Variants in PDE8B observed in about 807,000 individuals in gnomAD.
The protein encoded by PDE8B is high affinity cAMP-specific and IBMX-insensitive 3',5'-cyclic phosphodiesterase 8B.
In PDE8B, 26 loss-of-function variants were observed where a neutral mutation model predicts 101.3. The observed-to-expected ratio is 0.26, with a 90% CI of 0.19 to 0.36. The LOEUF (loss-of-function observed/expected upper bound fraction) is 0.36, where lower values mean the gene tolerates loss of function less well. Among genes scored for constraint, PDE8B ranks in the 10% least tolerant of loss-of-function variants. The pLI, the probability that PDE8B is intolerant of heterozygous loss-of-function variation, is 1.00. For synonymous variants in PDE8B, 424 were observed against 429.3 expected, an observed-to-expected ratio of 0.99 and a Z score of 0.15; for missense variants, 810 against 1,163.1, an observed-to-expected ratio of 0.70 and a Z score of 4.42.
chr5:77,315,563 A>T (rs1773623633), intron 2 of PDE8B, among the ~76,000 whole-genome samples: 1 of 152,220 alleles, frequency 6.6e-6, no homozygotes, highest in Non-Finnish European at 1.5e-5. Context: ...TGTTGGACAG[A>T]GGGTCCTATT....
intron 4 of PDE8B, among the ~76,000 whole-genome samples, chr5:77,330,389 G>A (rs144026663): frequency 6.6e-6 from 1 of 152,250 alleles, no homozygotes; most frequent in African/African-American, 2.4e-5. Flanking sequence ...ATTTTTCCTG[G>A]TTTAATTATA....
chr5:77,363,669 A>G (rs1027711175), intron 10 of PDE8B, among the ~76,000 whole-genome samples: 11 of 149,338 alleles, frequency 7.4e-5, no homozygotes, highest in African/African-American at 2.7e-4. Flanking sequence ...CCGAGATCCC[A>G]CCATTACACT....
chr5:77,248,363 A>G (rs1473389828), intron 1 of PDE8B, among the ~76,000 whole-genome samples: 1 of 152,202 alleles, frequency 6.6e-6, no homozygotes, highest in Non-Finnish European at 1.5e-5. Flanking sequence ...TTTGGATGGG[A>G]AGCAAAGGAG....
rs139343892 is a variant in PDE8B, at chr5:77,297,915, T to C, written c.340-14079T>C. On this transcript the variant is annotated intron_variant, in intron 1 of 21. Transcript: ENST00000264917. ...ATTTGCCTGAATCCCCAGATTGAGC[T>C]AAGTTGCCCTTAGGTTTCTCTGGCT... is the stretch of plus-strand genomic sequence containing the variant. 4.7e-3 allele frequency among the ~76,000 whole-genome samples: 723 copies of C among 152,370 alleles called. 4 individuals are homozygous for C. The highest frequency in any genetic ancestry group is 6.8e-3 in the Non-Finnish European group (463 of 68,038).
At chr5:77,297,095 A>G (rs1038618186) in intron 1 of PDE8B, among the ~76,000 whole-genome samples, 2 of 152,188 alleles carry the variant, frequency 1.3e-5, no homozygotes, top group Non-Finnish European at 2.9e-5. Context: ...GAAGGTAGAA[A>G]GGGCAAGTGA....
At chr5:77,353,831 A>G (rs1221192727) in intron 10 of PDE8B, among the ~76,000 whole-genome samples, 1 of 152,230 alleles carries the variant, frequency 6.6e-6, no homozygotes, top group Non-Finnish European at 1.5e-5. Context: ...ATCATACAGA[A>G]GAATACATCT....
chr5:77,260,582 ATT>A (rs34008487), intron 1 of PDE8B, among the ~76,000 whole-genome samples: 17 of 114,926 alleles, frequency 1.5e-4, no homozygotes, highest in Middle Eastern at 4.7e-3. Flanking sequence ...ACTGTGGCTC[ATT>A]TTTTTTTTTT....
intron 2 of PDE8B, among the ~76,000 whole-genome samples, chr5:77,313,033 A>G (rs1346181043): frequency 1.3e-5 from 2 of 152,240 alleles, no homozygotes; most frequent in Non-Finnish European, 2.9e-5. Context: ...AATAATTTCT[A>G]AATCCTTATC....
intron 14 of PDE8B, chr5:77,410,777 C>T (rs1464227417): frequency 1.3e-5 from 2 of 152,152 alleles, no homozygotes; most frequent in Non-Finnish European, 2.9e-5. Flanking sequence ...TTAATTAATA[C>T]TACTTTAAAC....
chr5:77,335,564 TGA>T (rs67371569), intron 5 of PDE8B, among the ~76,000 whole-genome samples: 2,818 of 99,900 alleles, frequency 0.028, 47 homozygotes, highest in Non-Finnish European at 0.045. Context: ...TGTGTGTGTG[TGA>T]GAGAGAGAGG....
At chr5:77,200,328 G>GAATAAAAATTTGCA in the PDE8B span, among the ~76,000 whole-genome samples, 1 of 152,156 alleles carries the variant, frequency 6.6e-6, no homozygotes, top group Admixed American at 6.6e-5. Flanking sequence ...ATAGGATCAC[G>GAATAAAAATTTGCA]AATAAAAATT....
chr5:77,410,693 T>TAACAGTAAAAA (rs1794394084), intron 14 of PDE8B: 2 of 144,098 alleles, frequency 1.4e-5, no homozygotes, highest in Non-Finnish European at 3.0e-5. Flanking sequence ...TGTTGTTACT[T>TAACAGTAAAAA]CTGTATTTAC....
At chr5:77,297,559 C>G (rs1768880366) in intron 1 of PDE8B, among the ~76,000 whole-genome samples, 1 of 152,172 alleles carries the variant, frequency 6.6e-6, no homozygotes, top group South Asian at 2.1e-4. Flanking sequence ...CCACGGGGAT[C>G]ATTGCAGGAA....
chr5:77,278,987 A>G (rs188583450), intron 1 of PDE8B, among the ~76,000 whole-genome samples: 165 of 152,340 alleles, frequency 1.1e-3, no homozygotes, highest in African/African-American at 3.8e-3. Context: ...TTTAATTACT[A>G]TACACTACTG....
At chr5:77,305,054 A>G (rs1048155514) in intron 1 of PDE8B, among the ~76,000 whole-genome samples, 1 of 152,200 alleles carries the variant, frequency 6.6e-6, no homozygotes, top group Non-Finnish European at 1.5e-5. Context: ...AGGAGGGGCC[A>G]TTAAAGAAGC....
intron 10 of PDE8B, among the ~76,000 whole-genome samples, chr5:77,362,523 G>A (rs1247853389): frequency 2.0e-5 from 3 of 152,084 alleles, no homozygotes; most frequent in Non-Finnish European, 4.4e-5. Context: ...ACTTATGTTC[G>A]GCTATCTTTG....
intron 1 of PDE8B, among the ~76,000 whole-genome samples, chr5:77,264,296 G>C (rs2149722836): frequency 6.6e-6 from 1 of 152,360 alleles, no homozygotes; most frequent in Non-Finnish European, 1.5e-5. Flanking sequence ...GGGTGAAATT[G>C]CTGGGTCATA....
the PDE8B span, among the ~76,000 whole-genome samples, chr5:77,099,387 G>A: frequency 6.6e-6 from 1 of 152,206 alleles, no homozygotes; most frequent in Admixed American, 6.5e-5. Flanking sequence ...ATATTTTTAA[G>A]ATTCAGCCTG....
At chr5:77,420,973 G>C (rs1418218794) in intron 19 of PDE8B, among the ~76,000 whole-genome samples, 3 of 152,176 alleles carry the variant, frequency 2.0e-5, no homozygotes, top group Non-Finnish European at 2.9e-5. Flanking sequence ...TTTTGGCTTG[G>C]CAGAGCTCTG....
Sources: gnomAD v4.1 joint callset for allele counts (sites outside exome capture counted in the v4.1 genomes callset) on GRCh38, gnomAD v4.1.1 for gene constraint, MANE v1.5 for transcripts, NCBI Gene and HGNC (gene_info 2026-07-23, HGNC 2026-07-21) for gene names.